The following MARCHF1 variants were observed in gnomAD, a reference collection of about 807,000 sequenced individuals.
MARCHF1 encodes E3 ubiquitin-protein ligase MARCHF1.
MARCHF1 carries 40 observed loss-of-function variants against 54.2 expected under a neutral mutation model. That is an observed-to-expected ratio of 0.74 (90% CI 0.57 to 0.96). The LOEUF (loss-of-function observed/expected upper bound fraction) is 0.96. Among genes scored for constraint, MARCHF1 ranks in the 40% least tolerant of loss-of-function variants. The pLI is 0.00. For missense variants in MARCHF1, 586 were observed against 656.5 expected (o/e 0.89, Z 1.17); for synonymous variants, 236 against 236.3 (o/e 1.00, Z 0.01).
At chr4:163,951,268 CT>C in intron 3 of MARCHF1, among the ~76,000 whole-genome samples, 2 of 152,234 alleles carry the variant, frequency 1.3e-5, no homozygotes, top group Middle Eastern at 6.8e-3. Flanking sequence ...ATTCCTGGCT[CT>C]TTTTTTCACC....
At chr4:164,243,998 A>C (rs528799795) in intron 1 of MARCHF1, among the ~76,000 whole-genome samples, 3 of 152,258 alleles carry the variant, frequency 2.0e-5, no homozygotes, top group Non-Finnish European at 4.4e-5. Context: ...ACTCCCACAC[A>C]TTAATAATGG....
intron 1 of MARCHF1, among the ~76,000 whole-genome samples, chr4:164,136,705 A>G (rs11936738): frequency 0.84 from 127,065 of 152,156 alleles, 53,506 homozygotes; most frequent in Non-Finnish European, 0.89. Context: ...ATGTCACCTG[A>G]TGCCCCCCAA....
At chr4:164,311,934 T>G (rs1280837705) in intron 1 of MARCHF1, among the ~76,000 whole-genome samples, 1 of 152,208 alleles carries the variant, frequency 6.6e-6, no homozygotes, top group East Asian at 1.9e-4. Flanking sequence ...TTCTCTTAAA[T>G]TTGGGCTAAT....
intron 1 of MARCHF1, among the ~76,000 whole-genome samples, chr4:164,241,732 G>C (rs983336846): frequency 1.3e-5 from 2 of 152,168 alleles, no homozygotes. Context: ...CATCTCCCTA[G>C]GGAGTGCCAG....
intron 2 of MARCHF1, among the ~76,000 whole-genome samples, chr4:163,989,977 A>G (rs1752942557): frequency 6.6e-6 from 1 of 152,206 alleles, no homozygotes; most frequent in African/African-American, 2.4e-5. Flanking sequence ...GTTGCAATTC[A>G]TCTCTACCTG....
At chr4:163,941,162 T>C (rs1314713012) in intron 3 of MARCHF1, among the ~76,000 whole-genome samples, 1 of 152,058 alleles carries the variant, frequency 6.6e-6, no homozygotes, top group African/African-American at 2.4e-5. Flanking sequence ...AGTCTATGTC[T>C]TTATCTAAAA....
At chr4:163,982,597 A>G (rs1286728577) in intron 3 of MARCHF1, among the ~76,000 whole-genome samples, 2 of 152,214 alleles carry the variant, frequency 1.3e-5, no homozygotes, top group Non-Finnish European at 1.5e-5. Context: ...GACATATATC[A>G]AATCACTTCA....
At chr4:164,003,765 A>G (rs1753231000) in intron 2 of MARCHF1, among the ~76,000 whole-genome samples, 1 of 152,162 alleles carries the variant, frequency 6.6e-6, no homozygotes, top group African/African-American at 2.4e-5. Context: ...ATACCATTTG[A>G]TCCAGCAATC....
At chr4:164,313,597 C>T (rs535209233) in intron 1 of MARCHF1, among the ~76,000 whole-genome samples, 2 of 152,256 alleles carry the variant, frequency 1.3e-5, no homozygotes, top group South Asian at 4.2e-4. Context: ...CTCCAGCTTC[C>T]TCTTTCTCTT....
intron 4 of MARCHF1, among the ~76,000 whole-genome samples, chr4:163,740,851 TAC>T (rs1746174860): frequency 1.3e-5 from 2 of 152,296 alleles, no homozygotes; most frequent in South Asian, 4.1e-4. Flanking sequence ...TCACAAAAGA[TAC>T]ATAGTGGCAA....
chr4:163,610,260 G>C (rs1350661416), intron 7 of MARCHF1, among the ~76,000 whole-genome samples: 1 of 152,008 alleles, frequency 6.6e-6, no homozygotes, highest in African/African-American at 2.4e-5. Context: ...CTTAAGGGAA[G>C]AATCAGGTCT....
At chr4:163,910,197 T>C (rs1751160011) in intron 3 of MARCHF1, among the ~76,000 whole-genome samples, 1 of 152,204 alleles carries the variant, frequency 6.6e-6, no homozygotes, top group Non-Finnish European at 1.5e-5. Flanking sequence ...CTAAATTATA[T>C]ACAAATATAT....
At chr4:163,873,529 A>G (rs1453532974) in intron 3 of MARCHF1, among the ~76,000 whole-genome samples, 1 of 152,058 alleles carries the variant, frequency 6.6e-6, no homozygotes, top group Non-Finnish European at 1.5e-5. Context: ...TGATGGTGGG[A>G]GATGCAGCCG....
intron 1 of MARCHF1, among the ~76,000 whole-genome samples, chr4:164,126,513 T>C (rs559803114): frequency 4.6e-5 from 7 of 152,310 alleles, no homozygotes; most frequent in Non-Finnish European, 8.8e-5. Context: ...GTGGCGGTGC[T>C]GCTGTAACAA....
intron 1 of MARCHF1, among the ~76,000 whole-genome samples, chr4:164,246,131 T>C (rs1164595122): frequency 1.7e-4 from 12 of 68,574 alleles, no homozygotes; most frequent in East Asian, 9.4e-4. Flanking sequence ...AAAAAAGAGC[T>C]CGCATCGCCA....
intron 1 of MARCHF1, among the ~76,000 whole-genome samples, chr4:164,223,299 TTTA>T (rs2111158186): frequency 6.6e-6 from 1 of 152,118 alleles, no homozygotes; most frequent in East Asian, 1.9e-4. Flanking sequence ...CATATATAAT[TTTA>T]TTGTTTTATT....
At chr4:164,377,169 C>T (rs1731218159) in intron 1 of MARCHF1, among the ~76,000 whole-genome samples, 1 of 114,932 alleles carries the variant, frequency 8.7e-6, no homozygotes, top group African/African-American at 2.8e-5. Context: ...AATAACATTA[C>T]ATGTAATAGT....
chr4:164,093,009 T>C (rs1755336773), intron 2 of MARCHF1, among the ~76,000 whole-genome samples: 1 of 152,148 alleles, frequency 6.6e-6, no homozygotes, highest in South Asian at 2.1e-4. Flanking sequence ...AGAACCTTGG[T>C]AATTTGAAGG....
At chr4:164,315,626 G>C (rs1289150215) in intron 1 of MARCHF1, among the ~76,000 whole-genome samples, 1 of 152,116 alleles carries the variant, frequency 6.6e-6, no homozygotes, top group Non-Finnish European at 1.5e-5. Flanking sequence ...ACTTACTTTA[G>C]CTGCCCCAGG....
Sources: allele counts gnomAD v4.1 joint callset (sites outside exome capture counted in the v4.1 genomes callset), GRCh38; gene constraint gnomAD v4.1.1; transcripts MANE v1.5; gene names NCBI Gene and HGNC (gene_info 2026-07-23, HGNC 2026-07-21).